The following GPR75 variants were observed in gnomAD, a reference collection of about 807,000 sequenced individuals.
The protein encoded by GPR75 is probable G protein-coupled receptor 75.
Under a neutral mutation model 26.0 loss-of-function variants are expected in GPR75, and 27 were observed. The ratio of observed to expected loss-of-function variants is 1.04; its 90% CI spans 0.77 to 1.43. The LOEUF is 1.43. Ranked by LOEUF, GPR75 falls within the 40% of genes most tolerant of loss-of-function variation. GPR75 has a pLI of 0.00. For missense variants in GPR75, 699 were observed against 662.3 expected, an observed-to-expected ratio of 1.06 and a Z score of -0.61; for synonymous variants, 285 against 256.3, an observed-to-expected ratio of 1.11 and a Z score of -1.07.
In GPR75 at chr2:53,853,149, T is replaced by A; in HGVS notation, c.1608A>T (p.Pro536=). 6.2e-7 allele frequency: 1 copy of A among 1,613,204 alleles called. No individual in the cohort carries two copies. The highest frequency in any genetic ancestry group is 8.5e-7 in the Non-Finnish European group (1 of 1,179,184). Residue 536 remains proline, a synonymous_variant, in exon 2 of 2, where the codon CCA becomes CCT. Coordinates refer to ENST00000394705, the MANE Select transcript of GPR75 (RefSeq NM_006794.4). The part of the protein sequence containing the change: ...EYDSTSAKQI[P]VPSV ...CTCCATGACTTTAAACGGAGGGGACTGGAATCTGCTTGGCTGAAGTGCTGT... is the reference window on the plus strand; with the variant it reads ...CTCCATGACTTTAAACGGAGGGGACAGGAATCTGCTTGGCTGAAGTGCTGT...
rs1414422002 is a variant in GPR75 at position 53,854,460 on chromosome 2, G to C, written c.297C>G (p.Pro99=). Residue 99 remains proline, a synonymous_variant, in exon 2 of 2, where the codon CCC becomes CCG. Transcript: ENST00000394705. ...CDLFICGVTA[P]MFTFVLFFSS... Reference sequence around the variant, plus strand: ...TGAAGAATAACACAAAGGTGAACATGGGGGCTGTCACTCCACAAATGAAGA... The same window carrying C: ...TGAAGAATAACACAAAGGTGAACATCGGGGCTGTCACTCCACAAATGAAGA... The C allele has an allele frequency of 7.4e-6, 12 of 1,614,006 alleles. No individual in the cohort carries two copies. Among genetic ancestry groups the C allele is most frequent in the Non-Finnish European group, 9.3e-6 (11 of 1,179,968 alleles).
Position 53,854,784 on chromosome 2 carries a change from G to A in GPR75, c.-28C>T, listed in dbSNP as rs770638287. ...TCGGAGAGAAATGTCTCCTTCTTCT[G>A]CTCCCCAAAAATACTCAGTGAGTCA... On this transcript the variant is annotated 5_prime_UTR_variant, in exon 2 of 2. Transcript: ENST00000394705. 3.2e-5 allele frequency: 51 copies of A among 1,582,038 alleles called. No homozygotes were observed. Among genetic ancestry groups the A allele is most frequent in the Non-Finnish European group, 4.1e-5 (47 of 1,158,490 alleles).
In GPR75 at chr2:53,853,163, C is replaced by A; in HGVS notation, c.1594G>T (p.Ala532Ser). ...DLVQEYDSTSAKQIPVPSV is the reference protein window; with the variant it reads ...DLVQEYDSTSSKQIPVPSV The stretch of plus-strand genomic sequence containing the variant: ...ACGGAGGGGACTGGAATCTGCTTGG[C>A]TGAAGTGCTGTCATATTCCTGCACT... The change falls in exon 2 of 2, where the codon GCC becomes TCC. Residue 532 changes from alanine (A) to serine (S), a missense_variant. Transcript: ENST00000394705. 6.2e-7 allele frequency: 1 copy of A among 1,613,770 alleles called. No homozygotes were observed. Among genetic ancestry groups the A allele is most frequent in the Non-Finnish European group, 8.5e-7 (1 of 1,179,686 alleles).
chr2:53,856,953 T>TC (rs1678243845), intron 1 of GPR75, among the ~76,000 whole-genome samples: 1 of 116,976 alleles, frequency 8.5e-6, no homozygotes, highest in East Asian at 2.7e-4. Flanking sequence ...ACAATTTTTT[T>TC]TTTTTTTTTT....
intron 1 of GPR75, among the ~76,000 whole-genome samples, chr2:53,857,662 A>G (rs1285379475): frequency 6.6e-6 from 1 of 152,184 alleles, no homozygotes; most frequent in Non-Finnish European, 1.5e-5. Flanking sequence ...AGGCAGGAGG[A>G]AAAAAGGTGA....
chr2:53,855,623 G>C (rs1351719880), intron 1 of GPR75, among the ~76,000 whole-genome samples: 1 of 152,110 alleles, frequency 6.6e-6, no homozygotes, highest in Non-Finnish European at 1.5e-5. Flanking sequence ...AAGGTCGGGG[G>C]TATGGAGTGG....
chr2:53,857,708 A>G (rs2104397229), intron 1 of GPR75, among the ~76,000 whole-genome samples: 1 of 152,244 alleles, frequency 6.6e-6, no homozygotes, highest in East Asian at 1.9e-4. Context: ...CACGTTTTGT[A>G]CAGTTACATT....
chr2:53,856,655 A>G (rs1196953476), intron 1 of GPR75, among the ~76,000 whole-genome samples: 1 of 152,260 alleles, frequency 6.6e-6, no homozygotes, highest in Non-Finnish European at 1.5e-5. Flanking sequence ...GTCCTGGGAA[A>G]TCCATATAAT....
Position 53,854,122 on chromosome 2 carries a change from G to T in GPR75, c.635C>A (p.Thr212Asn), listed in dbSNP as rs765003571. The change falls in exon 2 of 2, where the codon ACC (threonine) becomes AAC (asparagine). Residue 212 changes from threonine (T) to asparagine (N), a missense_variant. Coordinates refer to ENST00000394705, the MANE Select transcript of GPR75 (RefSeq NM_006794.4). ...GACAGAGACCACAGCAACACAGAAG[G>T]TGAAGTCGACCACATAGAGAGACAA... is the stretch of plus-strand genomic sequence containing the variant. ...AILSLYVVDFTFCVAVVSVSY... is the reference protein window; with the variant it reads ...AILSLYVVDFNFCVAVVSVSY... 2.5e-6 allele frequency: 4 copies of T among 1,614,062 alleles called. No homozygotes were observed. In the African/African-American group the frequency reaches 5.3e-5, roughly 22 times the overall value.
rs2104392646 is a variant in GPR75 at position 53,854,031 on chromosome 2, G to A, written c.726C>T (p.Ile242=). 1 of 1,614,244 alleles carries A rather than the reference G, an allele frequency of 6.2e-7. No homozygotes were observed. Among genetic ancestry groups the A allele is most frequent in the Non-Finnish European group, 8.5e-7 (1 of 1,180,040 alleles). The change falls in exon 2 of 2, where the codon ATC becomes ATT. Residue 242 remains isoleucine (I), a synonymous_variant. Coordinates refer to ENST00000394705, the MANE Select transcript of GPR75 (RefSeq NM_006794.4). ...GCTGTGGTCTGGAAGCATCGACTGT[G>A]ATTACAGGGGGGCACTTTCTGACTT... The part of the protein sequence containing the change: ...NAQVRKCPPV[I]TVDASRPQPF...
Position 53,853,305 on chromosome 2 carries a change from G to T in GPR75, c.1452C>A (p.Ser484Arg). ...PINTRIEPYYSIYNSSPSQEE... is the reference protein window; with the variant it reads ...PINTRIEPYYRIYNSSPSQEE... Reference sequence around the variant, plus strand: ...CCTGGGAAGGGCTGCTGTTATAGATGCTGTAGTAAGGTTCAATCCGAGTGT... The same window carrying T: ...CCTGGGAAGGGCTGCTGTTATAGATTCTGTAGTAAGGTTCAATCCGAGTGT... The change falls in exon 2 of 2, where the codon AGC becomes AGA. Residue 484 changes from serine (S) to arginine (R), a missense_variant. Transcript: ENST00000394705. 6.2e-7 allele frequency: 1 copy of T among 1,614,176 alleles called. No individual in the cohort carries two copies.
In GPR75 at chr2:53,857,355, T is replaced by G. The variant is rs148212843; in HGVS notation, c.-110+2473A>C. Among the ~76,000 whole-genome samples the G allele has an allele frequency of 1.0e-3, 153 of 152,114 alleles. 1 individual carries two copies. The highest frequency in any genetic ancestry group is 3.6e-3 in the African/African-American group (150 of 41,464). The stretch of plus-strand genomic sequence containing the variant: ...AAAGGGAAGTAGAAGAGAAAACAAT[T>G]TGAGGAGGCAGGAAGAGCAGGGAGG... On this transcript the variant is annotated intron_variant, in intron 1 of 1. Coordinates refer to ENST00000394705, the MANE Select transcript of GPR75 (RefSeq NM_006794.4).
In GPR75 at chr2:53,853,812, C is replaced by T. The variant is rs1394174491; in HGVS notation, c.945G>A (p.Lys315=). The change falls in exon 2 of 2, where the codon AAG becomes AAA. Residue 315 remains lysine, a synonymous_variant. Transcript: ENST00000394705. ...CACAGGTGACCACGGCTTTGGAATC[C>T]TTGGCAGTGGAGAGGTTGATGGCTG... The part of the protein sequence containing the change: ...LVSAINLSTA[K]DSKAVVTCVI... The T allele has an allele frequency of 6.2e-7, 1 of 1,614,180 alleles. No individual in the cohort carries two copies.
rs1407315146 is a variant in GPR75 at position 53,859,924 on chromosome 2, G to C, written c.-206C>G. The C allele has an allele frequency of 1.3e-6, 2 of 1,503,654 alleles. No individual in the cohort carries two copies. The highest frequency in any genetic ancestry group is 1.8e-6 in the Non-Finnish European group (2 of 1,131,174). The allele number at this position is 1,503,654 out of a possible 1,614,324, so 93.1% of individuals were successfully genotyped here. On this transcript the variant is annotated 5_prime_UTR_variant, in exon 1 of 2. Coordinates refer to ENST00000394705, the MANE Select transcript of GPR75 (RefSeq NM_006794.4). ...ATGATGCAGGACTAGAGGCATCATC[G>C]CCATCGCCACCGCCTCCGCGCATCC...
rs1211283443 is a variant in GPR75, at chr2:53,853,924, T to C, written c.833A>G (p.Asn278Ser). 1 of 1,613,932 alleles carries C rather than the reference T, an allele frequency of 6.2e-7. No individual in the cohort carries two copies. ...ACGGGTCTGAACGTGCTGCAGTTTG[T>C]TGTAATTCTGGTTCCTATACAGAGC... ...MPALYRNQNYNKLQHVQTRGY... is the reference protein window; with the variant it reads ...MPALYRNQNYSKLQHVQTRGY... Residue 278 changes from asparagine to serine, a missense_variant, in exon 2 of 2, where the codon AAC (asparagine) becomes AGC (serine). Coordinates refer to ENST00000394705, the MANE Select transcript of GPR75 (RefSeq NM_006794.4).
rs1410957465 is a variant in GPR75, at chr2:53,859,903, T to C, written c.-185A>G. On this transcript the variant is annotated 5_prime_UTR_variant, in exon 1 of 2. Coordinates refer to ENST00000394705, the MANE Select transcript of GPR75 (RefSeq NM_006794.4). ...CAGCTCCGCCTGCCGCTCTGGATGA[T>C]GCAGGACTAGAGGCATCATCGCCAT... 3.9e-6 allele frequency: 6 copies of C among 1,529,702 alleles called. No individual in the cohort carries two copies. In the Admixed American group the frequency reaches 5.9e-5, roughly 15 times the overall value. The allele number at this position is 1,529,702 out of a possible 1,614,324, so 94.8% of individuals were successfully genotyped here.
intron 1 of GPR75, among the ~76,000 whole-genome samples, chr2:53,855,235 C>A (rs545578303): frequency 6.6e-6 from 1 of 152,226 alleles, no homozygotes; most frequent in African/African-American, 2.4e-5. Flanking sequence ...CAAATACATT[C>A]ATCCAGCTAA....
Position 53,854,275 on chromosome 2 carries a change from G to C in GPR75, c.482C>G (p.Thr161Ser). The change falls in exon 2 of 2, where the codon ACC becomes AGC. Residue 161 changes from threonine to serine, a missense_variant. By Grantham distance (58) the Thr-to-Ser change is moderately conservative. Coordinates refer to ENST00000394705, the MANE Select transcript of GPR75 (RefSeq NM_006794.4). ...CCAGAGAAGCAGGGTGAGGAGTACG[G>C]TGCAGGGAAAGGAGGCCGTGCGATT... ...QPNRTASFPC[T>S]VLLTLLLWAT... is the part of the protein sequence containing the mutation. 5 of 1,614,104 alleles carry C rather than the reference G, an allele frequency of 3.1e-6. No homozygotes were observed. The highest frequency in any genetic ancestry group is 1.7e-5 in the Admixed American group (1 of 60,016).
Position 53,854,646 on chromosome 2 carries a change from G to C in GPR75, c.111C>G (p.Ile37Met). Residue 37 changes from isoleucine (I) to methionine (M), a missense_variant, in exon 2 of 2, where the codon ATC becomes ATG. Ile to Met is a conservative substitution (Grantham distance 10). Coordinates refer to ENST00000394705, the MANE Select transcript of GPR75 (RefSeq NM_006794.4). ...TACAGGTCACCAAGGTGGCTGTGTG[G>C]ATGAGATCCTGAAGACCCTCCTGGA... ...TSLQEGLQDLIHTATLVTCTF... is the reference protein window; with the variant it reads ...TSLQEGLQDLMHTATLVTCTF... 2 of 1,614,102 alleles carry C rather than the reference G, an allele frequency of 1.2e-6. No homozygotes were observed. The highest frequency in any genetic ancestry group is 2.2e-5 in the South Asian group (2 of 91,072).
Sources: gnomAD v4.1 joint callset for allele counts (sites outside exome capture counted in the v4.1 genomes callset) on GRCh38, gnomAD v4.1.1 for gene constraint, MANE v1.5 for transcripts, NCBI Gene and HGNC (gene_info 2026-07-23, HGNC 2026-07-21) for gene names.